The following RYR2 variants were observed in gnomAD, a reference collection of about 807,000 sequenced individuals.
The protein encoded by RYR2 is cardiac muscle ryanodine receptor-calcium release channel.
A neutral mutation model predicts 601.1 loss-of-function variants in RYR2; 227 were observed. That is an observed-to-expected ratio of 0.38 (90% CI 0.34 to 0.42). The LOEUF (loss-of-function observed/expected upper bound fraction) is 0.42. RYR2 is among the 10% of genes least tolerant of loss of function. The pLI, the probability that RYR2 is intolerant of heterozygous loss-of-function variation, is 1.00. For missense variants in RYR2, 4,646 were observed against 6,156.5 expected (o/e 0.75, Z 8.21); for synonymous variants, 2,223 against 2,175.1 (o/e 1.02, Z -0.61).
At chr1:237,634,745 ATTAAAC>A in intron 43 of RYR2, 138 bp from the exon 44 acceptor site, 1 of 582,490 alleles carries the variant, frequency 1.7e-6, no homozygotes, top group Non-Finnish European at 3.0e-6. Flanking sequence ...AATACGTAAA[ATTAAAC>A]TTTAATGTAA....
intron 19 of RYR2, among the ~76,000 whole-genome samples, chr1:237,495,030 C>T (rs1255842813): frequency 1.3e-5 from 2 of 152,082 alleles, no homozygotes; most frequent in Non-Finnish European, 2.9e-5. Context: ...ACCTTGTGAT[C>T]CGCCCGCCTT....
chr1:237,106,983 G>A lies in RYR2; in HGVS notation c.48+64414G>A, dbSNP rs576047301. ...GTTAAGATTTTAACATATGATTTTG[G>A]GGGGACTGAGGGACATAAACATTTA... On this transcript the variant is annotated intron_variant, in intron 1 of 104. Transcript: ENST00000366574. The surrounding 1 kb of genome is among the most constrained non-coding windows in gnomAD (Gnocchi z 4.4). Among the ~76,000 whole-genome samples, 191 of 152,184 alleles carry A rather than the reference G, an allele frequency of 1.3e-3. 2 individuals carry two copies. Among genetic ancestry groups the A allele is most frequent in the African/African-American group, 4.3e-3 (177 of 41,542 alleles).
intron 1 of RYR2, among the ~76,000 whole-genome samples, chr1:237,247,816 A>G (rs1284796533): frequency 6.6e-6 from 1 of 152,200 alleles, no homozygotes; most frequent in African/African-American, 2.4e-5. Context: ...GGAAGAAAGT[A>G]GAGTCCAGGA....
chr1:237,262,704 G>A (rs191768613), intron 1 of RYR2, among the ~76,000 whole-genome samples: 2 of 152,254 alleles, frequency 1.3e-5, no homozygotes, highest in East Asian at 1.9e-4. Flanking sequence ...ACTGGTTTCC[G>A]TGGAGTTTAA....
At chr1:237,199,838 T>C (rs1296483015) in intron 1 of RYR2, among the ~76,000 whole-genome samples, 1 of 152,256 alleles carries the variant, frequency 6.6e-6, no homozygotes, top group Non-Finnish European at 1.5e-5. Context: ...TGGAAAAGCC[T>C]GAATATTAAT....
intron 79 of RYR2, among the ~76,000 whole-genome samples, chr1:237,735,036 T>G (rs952697767): frequency 6.6e-6 from 1 of 152,158 alleles, no homozygotes; most frequent in African/African-American, 2.4e-5. Flanking sequence ...ATAAAAAAGT[T>G]GGAGAGAACC....
In RYR2 at chr1:237,324,751, T is replaced by G. The variant is rs78465436; in HGVS notation, c.169-6127T>G. Among the ~76,000 whole-genome samples, 732 of 152,352 alleles carry G rather than the reference T, an allele frequency of 4.8e-3. 7 individuals carry two copies. Among genetic ancestry groups the G allele is most frequent in the African/African-American group, 0.017 (705 of 41,586 alleles). ...CCATGAGATCTGAATTCCATGTTCC[T>G]GGTACGGGGATTTACTGCTGTCAAA... On this transcript the variant is annotated intron_variant, in intron 2 of 104. Transcript: ENST00000366574.
chr1:237,084,912 A>G (rs1666141492), intron 1 of RYR2, among the ~76,000 whole-genome samples: 1 of 152,264 alleles, frequency 6.6e-6, no homozygotes, highest in Non-Finnish European at 1.5e-5. Flanking sequence ...CTGGTCTCAG[A>G]GAGCCTGGAA....
At chr1:237,553,530 G>T (rs1670605230) in intron 27 of RYR2, among the ~76,000 whole-genome samples, 1 of 151,772 alleles carries the variant, frequency 6.6e-6, no homozygotes, top group Non-Finnish European at 1.5e-5. Flanking sequence ...TTTTATAAAG[G>T]TTTTTTGTTC....
chr1:237,642,396 A>G (rs549527691), intron 47 of RYR2, among the ~76,000 whole-genome samples: 1 of 152,352 alleles, frequency 6.6e-6, no homozygotes, highest in South Asian at 2.1e-4. Flanking sequence ...GAGACTATTA[A>G]AAATTTCTGT....
chr1:237,491,884 C>A lies in RYR2; in HGVS notation c.1787C>A (p.Ser596Tyr). The A allele has an allele frequency of 7.0e-7, 1 of 1,434,604 alleles. No homozygotes were observed. The highest frequency in any genetic ancestry group is 9.6e-7 in the Non-Finnish European group (1 of 1,040,184). 88.9% of individuals were successfully genotyped at this position (1,434,604 alleles called of 1,614,324 possible). The change falls in exon 18 of 105, where the codon TCT (serine) becomes TAT (tyrosine). Residue 596 changes from serine to tyrosine, a missense_variant. Physicochemically the swap from Ser to Tyr is moderately radical, Grantham distance 144. Transcript: ENST00000366574. ...ATTATTAAAGAAGGACATATTAAATCTATTATCTCACTTTTAGACAAACAT... is the reference window on the plus strand; with the variant it reads ...ATTATTAAAGAAGGACATATTAAATATATTATCTCACTTTTAGACAAACAT... ...LNIIKEGHIK[S>Y]IISLLDKHGR...
intron 2 of RYR2, among the ~76,000 whole-genome samples, chr1:237,278,620 G>T (rs1165190369): frequency 6.6e-6 from 1 of 152,110 alleles, no homozygotes; most frequent in East Asian, 1.9e-4. Flanking sequence ...CTGAGAGCTG[G>T]TGTTAAATTT....
chr1:237,480,360 A>G (rs1661904687), intron 17 of RYR2, among the ~76,000 whole-genome samples: 1 of 137,740 alleles, frequency 7.3e-6, no homozygotes, highest in Admixed American at 7.4e-5. Flanking sequence ...CAGAGGCTGT[A>G]GTGAACCAAG....
chr1:237,253,619 C>T (rs1303127177), intron 1 of RYR2, among the ~76,000 whole-genome samples: 2 of 152,220 alleles, frequency 1.3e-5, no homozygotes, highest in African/African-American at 2.4e-5. Context: ...ATGAAAACAG[C>T]AGTTGAACTG....
rs561498527 is a variant in RYR2 at position 237,631,074 on chromosome 1, T to A, written c.6441-353T>A. Among the ~76,000 whole-genome samples, 15 of 152,328 alleles carry A rather than the reference T, an allele frequency of 9.8e-5. No individual in the cohort carries two copies. In the East Asian group the frequency reaches 2.9e-3, roughly 29 times the overall value. ...TACTTATATATGAAGAATTTTTATATAAACATGGTATAACACTAATTCATA... is the reference window on the plus strand; with the variant it reads ...TACTTATATATGAAGAATTTTTATAAAAACATGGTATAACACTAATTCATA... On this transcript the variant is annotated intron_variant, in intron 41 of 104. Transcript: ENST00000366574.
At chr1:237,815,221 C>G (rs1057200710) in intron 100 of RYR2, among the ~76,000 whole-genome samples, 1 of 152,106 alleles carries the variant, frequency 6.6e-6, no homozygotes, top group African/African-American at 2.4e-5. Context: ...CTTTTTGTCT[C>G]ACAGCATTAC....
intron 8 of RYR2, among the ~76,000 whole-genome samples, chr1:237,385,293 C>T (rs1347370716): frequency 1.3e-5 from 2 of 152,152 alleles, no homozygotes; most frequent in African/African-American, 4.8e-5. Flanking sequence ...TATACATACA[C>T]AAAATACACA....
chr1:237,105,680 A>G lies in RYR2; in HGVS notation c.48+63111A>G, dbSNP rs551993302. On this transcript the variant is annotated intron_variant, in intron 1 of 104. Coordinates refer to ENST00000366574, the MANE Select transcript of RYR2 (RefSeq NM_001035.3). ...AACACTGTCCCTACTAAAAATACAG[A>G]AATTAGCCAGCAATACAAAAATTGG... Among the ~76,000 whole-genome samples, 4 of 152,214 alleles carry G rather than the reference A, an allele frequency of 2.6e-5. No individual in the cohort carries two copies. The South Asian group carries it at 8.3e-4, about 32-fold the overall frequency.
intron 73 of RYR2, among the ~76,000 whole-genome samples, chr1:237,720,941 T>C (rs1689670993): frequency 6.6e-6 from 1 of 152,182 alleles, no homozygotes; most frequent in South Asian, 2.1e-4. Context: ...GAAACATTGA[T>C]TGTCCATATT....
Sources: allele counts gnomAD v4.1 joint callset (sites outside exome capture counted in the v4.1 genomes callset), GRCh38; gene constraint gnomAD v4.1.1; non-coding constraint Gnocchi (gnomAD v3.1); transcripts MANE v1.5; gene names NCBI Gene and HGNC (gene_info 2026-07-23, HGNC 2026-07-21).